The following SSBP3 variants were observed in gnomAD, a reference collection of about 807,000 sequenced individuals.
SSBP3 encodes the protein single-stranded DNA-binding protein 3.
A neutral mutation model predicts 69.6 loss-of-function variants in SSBP3; 5 were observed. The ratio of observed to expected loss-of-function variants is 0.07; its 90% CI spans 0.04 to 0.15. The LOEUF is 0.15. Ranked by LOEUF, SSBP3 falls within the 10% of genes least tolerant of loss-of-function variation. SSBP3 has a pLI of 1.00. For missense variants in SSBP3, 312 were observed against 534.0 expected (o/e 0.58, Z 4.10); for synonymous variants, 196 against 193.4 (o/e 1.01, Z -0.11).
At chr1:54,369,295 G>C (rs1292836638) in intron 4 of SSBP3, among the ~76,000 whole-genome samples, 1 of 135,272 alleles carries the variant, frequency 7.4e-6, no homozygotes. Context: ...GGCTCCACGG[G>C]ATTGGGGGGA....
intron 4 of SSBP3, among the ~76,000 whole-genome samples, chr1:54,327,450 G>A (rs909678828): frequency 6.6e-6 from 1 of 152,280 alleles, no homozygotes; most frequent in East Asian, 1.9e-4. Context: ...CGCCCTGCCT[G>A]CTCCTGACAG....
At chr1:54,344,957 G>A (rs1053363524) in intron 4 of SSBP3, among the ~76,000 whole-genome samples, 3 of 152,208 alleles carry the variant, frequency 2.0e-5, no homozygotes, top group Admixed American at 6.5e-5. Flanking sequence ...CATTTGGTGC[G>A]TGTGGTTTTT....
chr1:54,275,866 G>T (rs185302255), intron 5 of SSBP3, among the ~76,000 whole-genome samples: 1 of 152,344 alleles, frequency 6.6e-6, no homozygotes, highest in Admixed American at 6.5e-5. Context: ...TCAGGAGGCT[G>T]CCCTTCTCCC....
chr1:54,283,996 TA>T (rs1016911656), intron 4 of SSBP3, among the ~76,000 whole-genome samples: 6 of 152,174 alleles, frequency 3.9e-5, no homozygotes, highest in African/African-American at 1.4e-4. Flanking sequence ...AAACTTTTTT[TA>T]AAAATGGGGT....
chr1:54,305,049 C>A (rs1251039640), intron 4 of SSBP3, among the ~76,000 whole-genome samples: 1 of 152,148 alleles, frequency 6.6e-6, no homozygotes, highest in Admixed American at 6.5e-5. Flanking sequence ...TTTACCATAA[C>A]CAGAGAAAGG....
chr1:54,331,142 T>G (rs1175150692), intron 4 of SSBP3, among the ~76,000 whole-genome samples: 1 of 152,098 alleles, frequency 6.6e-6, no homozygotes, highest in Non-Finnish European at 1.5e-5. Context: ...TATAATAACC[T>G]CCGCATGTAA....
chr1:54,237,979 A>G (rs891375508), intron 14 of SSBP3: 1 of 372,200 alleles, frequency 2.7e-6, no homozygotes, highest in Non-Finnish European at 5.6e-6. Context: ...TGGTGCTGTC[A>G]TCCCTCTGTG....
intron 4 of SSBP3, among the ~76,000 whole-genome samples, chr1:54,389,157 G>A (rs1648296901): frequency 1.3e-5 from 2 of 152,148 alleles, no homozygotes; most frequent in Non-Finnish European, 2.9e-5. Context: ...GAGCTGATGA[G>A]AAAGTCTCAT....
chr1:54,238,240 G>A (rs1435199520), intron 14 of SSBP3: 1 of 471,128 alleles, frequency 2.1e-6, no homozygotes, highest in Non-Finnish European at 4.4e-6. Context: ...TGTCACCTCA[G>A]GAACGGAGCC....
intron 4 of SSBP3, among the ~76,000 whole-genome samples, chr1:54,350,684 TG>T (rs1459020335): frequency 6.6e-6 from 1 of 152,138 alleles, no homozygotes; most frequent in East Asian, 1.9e-4. Context: ...TGTCTCAGCC[TG>T]GGAAGCTGAG....
At chr1:54,272,827 TG>T (rs1645218812) in intron 5 of SSBP3, among the ~76,000 whole-genome samples, 1 of 152,188 alleles carries the variant, frequency 6.6e-6, no homozygotes, top group Non-Finnish European at 1.5e-5. Flanking sequence ...AAGCATGAGG[TG>T]AACGCAGCTA....
chr1:54,404,412 C>T (rs1649542692), intron 3 of SSBP3, among the ~76,000 whole-genome samples, 164 bp downstream of exon 3: 1 of 152,238 alleles, frequency 6.6e-6, no homozygotes, highest in South Asian at 2.1e-4. Context: ...TTCCGCCCTT[C>T]TCCTCCTTGG....
chr1:54,261,280 G>A (rs1557471984), intron 5 of SSBP3, among the ~76,000 whole-genome samples: 1 of 152,234 alleles, frequency 6.6e-6, no homozygotes, highest in Non-Finnish European at 1.5e-5. Flanking sequence ...CTGCTGCCCT[G>A]TGTTTTATTA....
chr1:54,363,452 A>C (rs1056272945), intron 4 of SSBP3, among the ~76,000 whole-genome samples: 2 of 152,206 alleles, frequency 1.3e-5, no homozygotes, highest in Non-Finnish European at 2.9e-5. Flanking sequence ...TATGCTACCA[A>C]ATCAGCAATC....
intron 4 of SSBP3, among the ~76,000 whole-genome samples, chr1:54,378,657 C>T (rs559785424): frequency 4.6e-5 from 7 of 152,296 alleles, no homozygotes; most frequent in South Asian, 2.1e-4. Flanking sequence ...TAGTCCAAGG[C>T]GCTGACAGCC....
intron 4 of SSBP3, among the ~76,000 whole-genome samples, chr1:54,367,678 C>G (rs566825710): frequency 2.0e-5 from 3 of 152,154 alleles, no homozygotes; most frequent in Non-Finnish European, 4.4e-5. Context: ...GCCTCTGCGG[C>G]GGGTCCCCAC....
intron 14 of SSBP3, chr1:54,238,025 C>T (rs1031679267): frequency 5.0e-6 from 2 of 397,912 alleles, no homozygotes; most frequent in South Asian, 3.8e-5. Context: ...TTCTGCATCA[C>T]TGACAAAACC....
chr1:54,290,139 A>G (rs1018169926), intron 4 of SSBP3, among the ~76,000 whole-genome samples: 1 of 152,174 alleles, frequency 6.6e-6, no homozygotes, highest in Non-Finnish European at 1.5e-5. Context: ...TCTGATACAA[A>G]TTTCAGAATC....
Position 54,352,077 on chromosome 1 carries a change from C to T in SSBP3, c.276+49784G>A, listed in dbSNP as rs1369958615. 2.6e-5 allele frequency among the ~76,000 whole-genome samples: 4 copies of T among 152,212 alleles called. No homozygotes were observed. In the East Asian group the frequency reaches 5.8e-4, roughly 22 times the overall value. On this transcript the variant is annotated intron_variant, in intron 4 of 17. Transcript: ENST00000610401. ...TTGGGAGGTCGAGGCAGGAGGATCC[C>T]TTGAAGCCAGGAGTTTAAGACCTAA...
Sources: allele counts gnomAD v4.1 joint callset (sites outside exome capture counted in the v4.1 genomes callset), GRCh38; gene constraint gnomAD v4.1.1; transcripts MANE v1.5; gene names NCBI Gene and HGNC (gene_info 2026-07-23, HGNC 2026-07-21).